The following TTLL9 variants were observed in gnomAD, a reference collection of about 807,000 sequenced individuals.
TTLL9 encodes the protein probable tubulin polyglutamylase TTLL9.
Under a neutral mutation model 65.6 loss-of-function variants are expected in TTLL9, and 47 were observed. The observed-to-expected ratio is 0.72, with a 90% CI of 0.57 to 0.91. The LOEUF (loss-of-function observed/expected upper bound fraction) is 0.91. Ranked by LOEUF, TTLL9 falls within the 40% of genes least tolerant of loss-of-function variation. The probability of loss-of-function intolerance (pLI) is 0.00; values close to 1 mark genes in which losing one functional copy is unlikely to be tolerated. For missense variants in TTLL9, 537 were observed against 568.8 expected, an observed-to-expected ratio of 0.94 and a Z score of 0.57; for synonymous variants, 179 against 204.8, an observed-to-expected ratio of 0.87 and a Z score of 1.07.
intron 3 of TTLL9, among the ~76,000 whole-genome samples, chr20:31,894,294 G>T (rs1287203976): frequency 6.6e-6 from 1 of 151,594 alleles, no homozygotes; most frequent in Non-Finnish European, 1.5e-5. Flanking sequence ...TGTAGAAATG[G>T]GGTCTCACTG....
chr20:31,942,226 C>G (rs1481735485), intron 14 of TTLL9, among the ~76,000 whole-genome samples: 1 of 152,130 alleles, frequency 6.6e-6, no homozygotes, highest in East Asian at 1.9e-4. Context: ...TGAGTGCCAG[C>G]AATGTGCCTG....
intron 7 of TTLL9, among the ~76,000 whole-genome samples, chr20:31,921,091 C>T (rs900305050): frequency 1.3e-5 from 2 of 152,212 alleles, no homozygotes; most frequent in Non-Finnish European, 2.9e-5. Flanking sequence ...TATCTGTGCT[C>T]TCCAATGCGG....
chr20:31,923,667 G>T (rs919008760), intron 8 of TTLL9, among the ~76,000 whole-genome samples: 3 of 152,176 alleles, frequency 2.0e-5, no homozygotes, highest in African/African-American at 7.2e-5. Context: ...GGTTTCCCCA[G>T]GCGGGCCAAC....
At chr20:31,912,748 A>G (rs566590513) in intron 6 of TTLL9, among the ~76,000 whole-genome samples, 13 of 152,094 alleles carry the variant, frequency 8.5e-5, no homozygotes, top group African/African-American at 2.9e-4. Flanking sequence ...CAGGATTTCT[A>G]TGTTACAGTT....
chr20:31,928,352 C>T (rs1411962428), intron 10 of TTLL9, among the ~76,000 whole-genome samples: 1 of 151,956 alleles, frequency 6.6e-6, no homozygotes, highest in Non-Finnish European at 1.5e-5. Flanking sequence ...AAATAGAAAA[C>T]TGCAGGAAGG....
intron 3 of TTLL9, among the ~76,000 whole-genome samples, chr20:31,887,980 G>A (rs2063222957): frequency 6.6e-6 from 1 of 151,166 alleles, no homozygotes; most frequent in African/African-American, 2.4e-5. Context: ...TGCCTCTCGG[G>A]TTCAAGTGAT....
intron 5 of TTLL9, 58 bp from the exon 6 acceptor site, chr20:31,909,679 G>C: frequency 6.5e-7 from 1 of 1,544,616 alleles, no homozygotes; most frequent in Non-Finnish European, 8.8e-7. Flanking sequence ...TGTGGGGCTG[G>C]GAGGGGAGCG....
At chr20:31,933,710 C>T (rs2064057420) in intron 10 of TTLL9, 90 bp from the exon 11 acceptor site, 3 of 1,235,548 alleles carry the variant, frequency 2.4e-6, no homozygotes, top group South Asian at 1.6e-5. Flanking sequence ...GTAGCCTTCC[C>T]CATCAATTCT....
At chr20:31,917,726 A>G (rs2063755351) in intron 6 of TTLL9, among the ~76,000 whole-genome samples, 1 of 150,258 alleles carries the variant, frequency 6.7e-6, no homozygotes, top group Admixed American at 6.6e-5. Flanking sequence ...TAGTAGTATC[A>G]TATTGTGATT....
chr20:31,880,105 G>T (rs980801144), intron 2 of TTLL9, among the ~76,000 whole-genome samples: 20 of 152,252 alleles, frequency 1.3e-4, no homozygotes, highest in African/African-American at 4.8e-4. Context: ...TACAAGTCCC[G>T]GCATGCACCG....
chr20:31,906,033 CAAAAAAAAAAAA>C (rs892374670), intron 4 of TTLL9, among the ~76,000 whole-genome samples: 3 of 47,722 alleles, frequency 6.3e-5, no homozygotes, highest in South Asian at 8.0e-4. Context: ...AATTTCATCT[CAAAAAAAAAAAA>C]AAAAAAAAAA....
chr20:31,899,231 T>C (rs1293766497), intron 4 of TTLL9, among the ~76,000 whole-genome samples: 1 of 152,252 alleles, frequency 6.6e-6, no homozygotes, highest in African/African-American at 2.4e-5. Context: ...TGCTTCTGTC[T>C]TTCCATTCTA....
Position 31,943,660 on chromosome 20 carries a change from C to A in TTLL9, c.*639C>A, listed in dbSNP as rs2064263224. The A allele has an allele frequency of 8.9e-6, 4 of 450,468 alleles. No homozygotes were observed. The highest frequency in any genetic ancestry group is 4.7e-5 in the South Asian group (3 of 64,272). 27.9% of individuals were successfully genotyped at this position (450,468 alleles called of 1,614,324 possible). A position where few individuals can be genotyped will look rare whatever the true frequency, so the allele number is the denominator to read the frequency against. ...CTGAAAACCAGTGGGACAGGGCATC[C>A]CCATTTCTCAGATGGACAAGACAGA... is the stretch of plus-strand genomic sequence containing the variant. On this transcript the variant is annotated 3_prime_UTR_variant, in exon 15 of 15. Coordinates refer to ENST00000535842, the MANE Select transcript of TTLL9 (RefSeq NM_001008409.5).
intron 2 of TTLL9, chr20:31,883,942 G>A (rs1384707915): frequency 1.4e-5 from 6 of 426,716 alleles, no homozygotes; most frequent in Non-Finnish European, 2.6e-5. Flanking sequence ...GTTTTCACCA[G>A]TGCAATAAAG....
At position 31,937,462 on chromosome 20, in the gene TTLL9, G is replaced by A; in HGVS notation, c.1071G>A (p.Lys357=). 1.2e-6 allele frequency: 2 copies of A among 1,613,880 alleles called. No individual in the cohort carries two copies. The highest frequency in any genetic ancestry group is 1.7e-6 in the Non-Finnish European group (2 of 1,179,890). ...TASSQEDYEL[K]TCLLEDTLHV... ...GCAGCCAGGAAGACTATGAGCTCAA[G>A]ACCTGCCTCCTGGAAGACACCCTGC... Residue 357 remains lysine (K), a synonymous_variant, in exon 13 of 15, where the codon AAG becomes AAA. Coordinates refer to ENST00000535842, the MANE Select transcript of TTLL9 (RefSeq NM_001008409.5).
At chr20:31,909,434 G>A (rs1038715279) in intron 5 of TTLL9, among the ~76,000 whole-genome samples, 5 of 152,208 alleles carry the variant, frequency 3.3e-5, no homozygotes, top group East Asian at 3.9e-4. Flanking sequence ...GAGCCACTGC[G>A]CCCGGCCAAA....
At chr20:31,903,542 C>A (rs2063507766) in intron 4 of TTLL9, among the ~76,000 whole-genome samples, 1 of 152,012 alleles carries the variant, frequency 6.6e-6, no homozygotes, top group Admixed American at 6.6e-5. Context: ...TCTAAGAAAC[C>A]ATTGCCTAAT....
chr20:31,942,973 G>C lies in TTLL9; in HGVS notation c.1272G>C (p.Leu424=). ...LGCVNDRKKQ[L]RQLFCSLQVQ... is the part of the protein sequence containing the mutation. ...GCGTCAACGATCGGAAGAAACAACTGAGGCAGCTCTTCTGCTCCCTTCAAG... is the reference window on the plus strand; with the variant it reads ...GCGTCAACGATCGGAAGAAACAACTCAGGCAGCTCTTCTGCTCCCTTCAAG... The change falls in exon 15 of 15, where the codon CTG becomes CTC. Residue 424 remains leucine, a synonymous_variant. Transcript: ENST00000535842. 6.2e-7 allele frequency: 1 copy of C among 1,614,096 alleles called. No homozygotes were observed. Among genetic ancestry groups the C allele is most frequent in the African/African-American group, 1.3e-5 (1 of 75,022 alleles).
At chr20:31,902,527 C>T (rs2063493762) in intron 4 of TTLL9, among the ~76,000 whole-genome samples, 1 of 152,146 alleles carries the variant, frequency 6.6e-6, no homozygotes, top group Admixed American at 6.5e-5. Flanking sequence ...ACTTCATTCC[C>T]TTTTATGACT....
Sources: allele counts gnomAD v4.1 joint callset (sites outside exome capture counted in the v4.1 genomes callset), GRCh38; gene constraint gnomAD v4.1.1; transcripts MANE v1.5; gene names NCBI Gene and HGNC (gene_info 2026-07-23, HGNC 2026-07-21).